The following WWOX variants were observed in gnomAD, a reference collection of about 807,000 sequenced individuals.
WWOX encodes the protein WW domain containing oxidoreductase.
A neutral mutation model predicts 46.2 loss-of-function variants in WWOX; 69 were observed. That is an observed-to-expected ratio of 1.49 (90% CI 1.23 to 1.82). The LOEUF is 1.82. Among genes scored for constraint, WWOX ranks in the 40% most tolerant of loss-of-function variants. WWOX has a pLI of 0.00. For synonymous variants in WWOX, 359 were observed against 202.6 expected (o/e 1.77, Z -6.56); for missense variants, 919 against 542.6 (o/e 1.69, Z -6.89).
chr16:78,964,584 T>G (rs979319217), intron 8 of WWOX, among the ~76,000 whole-genome samples: 1 of 152,250 alleles, frequency 6.6e-6, no homozygotes, highest in Middle Eastern at 3.4e-3. Context: ...GTTTGGAAAA[T>G]TTGCAGTCTG....
chr16:79,086,670 C>A (rs1042542791), intron 8 of WWOX, among the ~76,000 whole-genome samples: 1 of 152,056 alleles, frequency 6.6e-6, no homozygotes, highest in African/African-American at 2.4e-5. Context: ...CACTAGAGTC[C>A]AGGAGTTTGA....
intron 8 of WWOX, among the ~76,000 whole-genome samples, chr16:78,915,385 C>T (rs35217962): frequency 0.18 from 27,890 of 152,012 alleles, 3,108 homozygotes; most frequent in Non-Finnish European, 0.26. Flanking sequence ...GAGATTTTTC[C>T]ATCTAAATAG....
intron 5 of WWOX, among the ~76,000 whole-genome samples, chr16:78,380,282 G>A (rs372575494): frequency 1.3e-5 from 2 of 152,164 alleles, no homozygotes; most frequent in Admixed American, 6.5e-5. Context: ...ATATGGAATA[G>A]CAATTGAAAT....
intron 6 of WWOX, among the ~76,000 whole-genome samples, chr16:78,394,674 C>A (rs933731218): frequency 2.0e-5 from 3 of 152,180 alleles, no homozygotes; most frequent in East Asian, 3.9e-4. Context: ...CTATTAAGAT[C>A]TCTGTTGCAA....
At chr16:78,901,356 C>CG in intron 8 of WWOX, among the ~76,000 whole-genome samples, 1 of 152,172 alleles carries the variant, frequency 6.6e-6, no homozygotes, top group Non-Finnish European at 1.5e-5. Context: ...AATATTTTCA[C>CG]GGAAATATTT....
At chr16:78,847,885 G>A (rs145959766) in intron 8 of WWOX, among the ~76,000 whole-genome samples, 68 of 152,236 alleles carry the variant, frequency 4.5e-4, no homozygotes, top group Middle Eastern at 3.4e-3. Context: ...CATGACAAGC[G>A]GTCAGATACT....
intron 8 of WWOX, among the ~76,000 whole-genome samples, chr16:78,483,667 C>G (rs968620991): frequency 1.3e-5 from 2 of 152,084 alleles, no homozygotes; most frequent in African/African-American, 2.4e-5. Context: ...TTTCACTTAG[C>G]TGCTGTTACT....
chr16:78,879,617 C>G (rs1463244570), intron 8 of WWOX, among the ~76,000 whole-genome samples: 1 of 152,194 alleles, frequency 6.6e-6, no homozygotes, highest in Non-Finnish European at 1.5e-5. Context: ...ATGGTTCACG[C>G]CTGTAATCCC....
chr16:78,704,686 A>T (rs2048294679), intron 8 of WWOX, among the ~76,000 whole-genome samples: 1 of 152,168 alleles, frequency 6.6e-6, no homozygotes, highest in South Asian at 2.1e-4. Flanking sequence ...TGACATGTTA[A>T]AACTGTGTAA....
chr16:78,487,633 G>T (rs187363992), intron 8 of WWOX, among the ~76,000 whole-genome samples: 37 of 152,182 alleles, frequency 2.4e-4, no homozygotes, highest in African/African-American at 7.7e-4. Context: ...CTGTATCTTG[G>T]AGATGTTTAG....
At chr16:78,953,534 G>A (rs571281136) in intron 8 of WWOX, among the ~76,000 whole-genome samples, 3 of 152,162 alleles carry the variant, frequency 2.0e-5, no homozygotes, top group East Asian at 1.9e-4. Flanking sequence ...GTTTACTGTT[G>A]GCTTCCTTCA....
intron 6 of WWOX, among the ~76,000 whole-genome samples, chr16:78,389,730 T>TTTTTC (rs2082139318): frequency 2.0e-5 from 3 of 152,134 alleles, no homozygotes; most frequent in Non-Finnish European, 2.9e-5. Flanking sequence ...CACCGTACTA[T>TTTTTC]ACTGTGTTTC....
chr16:78,549,613 G>C (rs556769269), intron 8 of WWOX, among the ~76,000 whole-genome samples: 15 of 152,298 alleles, frequency 9.8e-5, no homozygotes, highest in East Asian at 3.9e-4. Context: ...AAGAGCTCTT[G>C]TTAGGAGATT....
intron 8 of WWOX, among the ~76,000 whole-genome samples, chr16:78,515,879 C>T (rs1266078882): frequency 6.6e-6 from 1 of 152,140 alleles, no homozygotes; most frequent in Non-Finnish European, 1.5e-5. Context: ...TAGAAAGACA[C>T]CTGAAGGTGA....
At chr16:78,920,130 G>T (rs1198448567) in intron 8 of WWOX, among the ~76,000 whole-genome samples, 1 of 152,128 alleles carries the variant, frequency 6.6e-6, no homozygotes, top group Non-Finnish European at 1.5e-5. Flanking sequence ...GCCGTCAAGA[G>T]CTGGCTCTGC....
intron 8 of WWOX, among the ~76,000 whole-genome samples, chr16:78,970,463 T>C (rs762289567): frequency 6.6e-6 from 1 of 152,158 alleles, no homozygotes; most frequent in African/African-American, 2.4e-5. Context: ...CACAGTTTAT[T>C]TGGGGAACCT....
intron 8 of WWOX, chr16:78,526,467 G>GT (rs2043471510): frequency 6.6e-6 from 1 of 152,224 alleles, no homozygotes; most frequent in African/African-American, 2.4e-5. Flanking sequence ...CTATGTAATA[G>GT]AGAAGATCCA....
intron 5 of WWOX, among the ~76,000 whole-genome samples, chr16:78,357,626 A>G (rs551394001): frequency 6.6e-6 from 1 of 152,226 alleles, no homozygotes; most frequent in African/African-American, 2.4e-5. Context: ...ATTAATGTTC[A>G]ACACAGCTTT....
intron 5 of WWOX, among the ~76,000 whole-genome samples, chr16:78,201,196 G>A (rs368107422): frequency 1.3e-5 from 2 of 152,180 alleles, no homozygotes; most frequent in African/African-American, 4.8e-5. Context: ...TTCTGTGATC[G>A]TTGAAGTAGG....
Sources: allele counts gnomAD v4.1 joint callset (sites outside exome capture counted in the v4.1 genomes callset), GRCh38; gene constraint gnomAD v4.1.1; transcripts MANE v1.5; gene names NCBI Gene and HGNC (gene_info 2026-07-23, HGNC 2026-07-21).